The following KLHL1 variants were observed in gnomAD, a reference collection of about 807,000 sequenced individuals.
KLHL1 encodes the protein kelch-like protein 1.
A neutral mutation model predicts 77.7 loss-of-function variants in KLHL1; 47 were observed. The observed-to-expected ratio is 0.60, with a 90% CI of 0.48 to 0.77. The LOEUF (loss-of-function observed/expected upper bound fraction) is 0.77. Ranked by LOEUF, KLHL1 falls within the 30% of genes least tolerant of loss-of-function variation. The pLI, the probability that KLHL1 is intolerant of heterozygous loss-of-function variation, is 0.00. For missense variants in KLHL1, 925 were observed against 910.8 expected (o/e 1.02, Z -0.20); for synonymous variants, 360 against 325.2 (o/e 1.11, Z -1.15).
At position 70,053,649 on chromosome 13, in the gene KLHL1, A is replaced by C. The variant is rs115595994; in HGVS notation, c.497+53554T>G. 4.9e-3 allele frequency among the ~76,000 whole-genome samples: 744 copies of C among 152,238 alleles called. 7 individuals are homozygous for C. Among genetic ancestry groups the C allele is most frequent in the African/African-American group, 0.017 (722 of 41,558 alleles). On this transcript the variant is annotated intron_variant, in intron 1 of 10. Coordinates refer to ENST00000377844, the MANE Select transcript of KLHL1 (RefSeq NM_020866.3). ...GTATGAGAGTAAAAGAAGGAGACTCAATAAATTATCTTCCAAGGTTTTGTA... is the reference window on the plus strand; with the variant it reads ...GTATGAGAGTAAAAGAAGGAGACTCCATAAATTATCTTCCAAGGTTTTGTA...
chr13:69,937,975 C>G (rs1037097577), intron 4 of KLHL1, among the ~76,000 whole-genome samples: 1 of 152,006 alleles, frequency 6.6e-6, no homozygotes, highest in African/African-American at 2.4e-5. Context: ...GAAGTTAATT[C>G]TATCCCACGT....
chr13:69,909,808 C>T (rs1209601141), intron 4 of KLHL1, among the ~76,000 whole-genome samples: 1 of 151,952 alleles, frequency 6.6e-6, no homozygotes, highest in Non-Finnish European at 1.5e-5. Context: ...AAAATTATCA[C>T]TAATTAATGT....
At chr13:70,059,086 C>G (rs1222662666) in intron 1 of KLHL1, among the ~76,000 whole-genome samples, 1 of 142,514 alleles carries the variant, frequency 7.0e-6, no homozygotes, top group African/African-American at 2.9e-5. Flanking sequence ...ACTAAAACCT[C>G]AAACAATGAA....
chr13:69,958,942 C>T (rs1219442915), intron 3 of KLHL1, among the ~76,000 whole-genome samples: 1 of 152,066 alleles, frequency 6.6e-6, no homozygotes, highest in East Asian at 1.9e-4. Flanking sequence ...TTGTTCTTTT[C>T]TATTGTTATA....
chr13:70,067,693 A>T (rs1887042640), intron 1 of KLHL1, among the ~76,000 whole-genome samples: 1 of 152,142 alleles, frequency 6.6e-6, no homozygotes, highest in African/African-American at 2.4e-5. Context: ...TGAATTCCAT[A>T]TCTCTTTGAA....
chr13:69,775,995 C>CAAAAA (rs112106421), intron 7 of KLHL1, among the ~76,000 whole-genome samples: 3 of 144,724 alleles, frequency 2.1e-5, no homozygotes, highest in Non-Finnish European at 4.6e-5. Context: ...TACTAAAATA[C>CAAAAA]AAAAAAAAAA....
At chr13:69,769,106 G>A (rs886616404) in intron 7 of KLHL1, among the ~76,000 whole-genome samples, 1 of 152,170 alleles carries the variant, frequency 6.6e-6, no homozygotes, top group African/African-American at 2.4e-5. Flanking sequence ...TACCCACTAT[G>A]TACCAGGAGT....
chr13:69,938,092 C>T (rs557939640), intron 4 of KLHL1, among the ~76,000 whole-genome samples: 1 of 152,146 alleles, frequency 6.6e-6, no homozygotes, highest in South Asian at 2.1e-4. Flanking sequence ...TAGATGAGAA[C>T]ATATGCCTGA....
chr13:69,822,529 A>C (rs926753465), intron 6 of KLHL1, among the ~76,000 whole-genome samples: 33 of 152,296 alleles, frequency 2.2e-4, no homozygotes, highest in African/African-American at 7.0e-4. Context: ...TTCCAAATAC[A>C]TGAAGTCATT....
intron 3 of KLHL1, among the ~76,000 whole-genome samples, chr13:69,954,381 A>G (rs909863660): frequency 2.6e-5 from 4 of 151,368 alleles, no homozygotes; most frequent in African/African-American, 9.7e-5. Context: ...AGGTACCCTG[A>G]ACACTTGGAA....
chr13:69,706,176 C>A (rs975885304), intron 10 of KLHL1, among the ~76,000 whole-genome samples: 5 of 151,448 alleles, frequency 3.3e-5, no homozygotes, highest in African/African-American at 1.2e-4. Flanking sequence ...ATACAGTGCT[C>A]TCTGAATAAG....
chr13:69,780,514 CAG>C (rs1876085884), intron 7 of KLHL1, among the ~76,000 whole-genome samples: 1 of 151,482 alleles, frequency 6.6e-6, no homozygotes, highest in Non-Finnish European at 1.5e-5. Context: ...TGAAAGCTGA[CAG>C]CCTAAAATTT....
At chr13:70,022,607 T>C (rs941177351) in intron 1 of KLHL1, among the ~76,000 whole-genome samples, 19 of 151,944 alleles carry the variant, frequency 1.3e-4, no homozygotes, top group Non-Finnish European at 4.4e-5. Flanking sequence ...AAATTTTTAC[T>C]ATTTACATGA....
rs541771810 is a variant in KLHL1, at chr13:70,083,233, G to A, written c.497+23970C>T. Among the ~76,000 whole-genome samples, 109 of 152,190 alleles carry A rather than the reference G, an allele frequency of 7.2e-4. 1 individual carries two copies. Among genetic ancestry groups the A allele is most frequent in the Non-Finnish European group, 1.0e-3 (68 of 68,006 alleles). On this transcript the variant is annotated intron_variant, in intron 1 of 10. Transcript: ENST00000377844. ...ATATTAATCAAAATTACAAATTGTC[G>A]TCACTACTAATTTGGAAGGCATAAT...
At chr13:70,041,611 C>T (rs1345437437) in intron 1 of KLHL1, among the ~76,000 whole-genome samples, 2 of 151,726 alleles carry the variant, frequency 1.3e-5, no homozygotes, top group East Asian at 3.9e-4. Context: ...TCCCATCTGG[C>T]ATCCACTGAC....
intron 1 of KLHL1, among the ~76,000 whole-genome samples, chr13:70,057,469 C>CAA (rs56235725): frequency 0.023 from 2,005 of 86,994 alleles, 44 homozygotes; most frequent in African/African-American, 0.05. Flanking sequence ...AAAGACACAT[C>CAA]AAAAAAAAAA....
intron 1 of KLHL1, among the ~76,000 whole-genome samples, chr13:70,097,608 G>C (rs1432926499): frequency 1.3e-5 from 2 of 151,924 alleles, no homozygotes; most frequent in Non-Finnish European, 2.9e-5. Context: ...ACTTTCTTGA[G>C]TTTTATTCAG....
At chr13:69,884,485 G>T (rs73508486) in intron 4 of KLHL1, among the ~76,000 whole-genome samples, 8,086 of 146,900 alleles carry the variant, frequency 0.055, 552 homozygotes, top group African/African-American at 0.16. Flanking sequence ...ATCTTTGAAA[G>T]ATTTGTCCAC....
chr13:69,860,486 AAATG>A (rs1235958045), intron 5 of KLHL1, among the ~76,000 whole-genome samples: 1 of 152,052 alleles, frequency 6.6e-6, no homozygotes, highest in African/African-American at 2.4e-5. Flanking sequence ...ATGTATTTAA[AAATG>A]AATAAGTTGA....
Sources: allele counts gnomAD v4.1 joint callset (sites outside exome capture counted in the v4.1 genomes callset), GRCh38; gene constraint gnomAD v4.1.1; transcripts MANE v1.5; gene names NCBI Gene and HGNC (gene_info 2026-07-23, HGNC 2026-07-21).